Variants in SLC6A17 observed in about 807,000 individuals in gnomAD.
The protein encoded by SLC6A17 is solute carrier family 6 member 17.
SLC6A17 carries 21 observed loss-of-function variants against 64.5 expected under a neutral mutation model. The ratio of observed to expected loss-of-function variants is 0.33; its 90% CI spans 0.23 to 0.47. The LOEUF is 0.47. Ranked by LOEUF, SLC6A17 falls within the 20% of genes least tolerant of loss-of-function variation. The pLI is 1.00. For synonymous variants in SLC6A17, 372 were observed against 399.5 expected (o/e 0.93, Z 0.82); for missense variants, 682 against 963.2 (o/e 0.71, Z 3.86).
chr1:110,197,034 A>G (rs777937650), intron 10 of SLC6A17, among the ~76,000 whole-genome samples: 3 of 152,192 alleles, frequency 2.0e-5, no homozygotes, highest in African/African-American at 4.8e-5. Flanking sequence ...CCCCTGAGTC[A>G]GGGCAGCTCT....
At chr1:110,182,761 G>A (rs951340256) in intron 6 of SLC6A17, among the ~76,000 whole-genome samples, 3 of 152,032 alleles carry the variant, frequency 2.0e-5, no homozygotes, top group African/African-American at 7.2e-5. Context: ...ATTGACCGAG[G>A]CACTTGGCAA....
At chr1:110,170,688 G>A (rs79094220) in intron 2 of SLC6A17, among the ~76,000 whole-genome samples, 209 of 152,310 alleles carry the variant, frequency 1.4e-3, no homozygotes, top group Admixed American at 2.7e-3. Context: ...TGTTAGTGAC[G>A]AGTTGAATGT....
intron 11 of SLC6A17, 95 bp from the exon 12 acceptor site, chr1:110,197,981 G>T (rs1657015044): frequency 6.6e-7 from 1 of 1,512,188 alleles, no homozygotes; most frequent in Admixed American, 2.1e-5. Context: ...AGGAGTGGAA[G>T]GCCATGGGTG....
intron 6 of SLC6A17, among the ~76,000 whole-genome samples, chr1:110,179,574 T>G (rs2101851068): frequency 1.5e-5 from 2 of 134,316 alleles, no homozygotes; most frequent in South Asian, 5.5e-4. Context: ...CTTTTTTGAG[T>G]TGGAGTTTCA....
intron 11 of SLC6A17, 50 bp from the exon 12 acceptor site, chr1:110,198,026 G>A: frequency 6.4e-7 from 1 of 1,560,382 alleles, no homozygotes; most frequent in Non-Finnish European, 8.7e-7. Context: ...GCCTGGGCGG[G>A]GAGGGCTGTC....
In SLC6A17 at chr1:110,173,320, G is replaced by T. The variant is rs564303034; in HGVS notation, c.445-653G>T. Among the ~76,000 whole-genome samples the T allele has an allele frequency of 1.6e-4, 24 of 152,298 alleles. No individual in the cohort carries two copies. The East Asian group carries it at 2.9e-3, about 18-fold the overall frequency. ...CAGGAGACAGCCAGGCCTCTGGAAGGGACCACCCTGTGTCCAGAGTGGATG... is the reference window on the plus strand; with the variant it reads ...CAGGAGACAGCCAGGCCTCTGGAAGTGACCACCCTGTGTCCAGAGTGGATG... On this transcript the variant is annotated intron_variant, in intron 3 of 11. Transcript: ENST00000331565.
intron 6 of SLC6A17, among the ~76,000 whole-genome samples, chr1:110,191,425 T>C (rs183736449): frequency 2.2e-4 from 34 of 152,354 alleles, no homozygotes; most frequent in African/African-American, 7.9e-4. Context: ...GTCTAGGTTC[T>C]GTGCTTCAGG....
In SLC6A17 at chr1:110,192,160, G is replaced by T. The variant is rs1394323934; in HGVS notation, c.1053G>T (p.Val351=). 1 of 1,614,190 alleles carries T rather than the reference G, an allele frequency of 6.2e-7. No homozygotes were observed. The highest frequency in any genetic ancestry group is 8.5e-7 in the Non-Finnish European group (1 of 1,180,026). ...FFTSVLATLV[V]FAVLGFKANI... ...CGTCAGTGTTGGCCACCCTCGTGGT[G>T]TTTGCTGTGCTGGGCTTCAAGGCCA... Residue 351 remains valine, a synonymous_variant, in exon 7 of 12, where the codon GTG becomes GTT. Transcript: ENST00000331565. The surrounding 1 kb of genome is among the most constrained non-coding windows in gnomAD (Gnocchi z 4.3).
intron 2 of SLC6A17, among the ~76,000 whole-genome samples, chr1:110,169,418 C>T (rs948465962): frequency 2.6e-5 from 4 of 152,082 alleles, no homozygotes; most frequent in Non-Finnish European, 4.4e-5. Flanking sequence ...CAATTTTATA[C>T]GTAACATTTT....
At position 110,199,952 on chromosome 1, in the gene SLC6A17, G is replaced by C. The variant is rs1227102140; in HGVS notation, c.*1508G>C. 2.6e-6 allele frequency: 1 copy of C among 389,974 alleles called. No individual in the cohort carries two copies. Among genetic ancestry groups the C allele is most frequent in the Non-Finnish European group, 4.5e-6 (1 of 221,974 alleles). The allele number at this position is 389,974 out of a possible 1,614,324, so 24.2% of individuals were successfully genotyped here. ...GTTGGGGGGTGGGGGTGGATGGATA[G>C]ATGGATGGATGGATGGACGGATGGG... On this transcript the variant is annotated 3_prime_UTR_variant, in exon 12 of 12. Transcript: ENST00000331565.
At chr1:110,197,957 T>C in intron 11 of SLC6A17, 119 bp from the exon 12 acceptor site, 1 of 1,476,228 alleles carries the variant, frequency 6.8e-7, no homozygotes, top group South Asian at 1.4e-5. Context: ...CTGGCCAGGA[T>C]GGTGGGAGGG....
intron 6 of SLC6A17, among the ~76,000 whole-genome samples, chr1:110,181,507 C>T (rs1656522304): frequency 6.6e-6 from 1 of 152,234 alleles, no homozygotes. Flanking sequence ...ACAAAGCAGA[C>T]AGACTTCCTG....
rs757235092 is a variant in SLC6A17, at chr1:110,167,089, G to T, written c.160G>T (p.Glu54Ter). 6.2e-7 allele frequency: 1 copy of T among 1,612,104 alleles called. No individual in the cohort carries two copies. Among genetic ancestry groups the T allele is most frequent in the East Asian group, 2.2e-5 (1 of 44,778 alleles). ...CGGCAAGCAGAAGGCGGTGGAGGAGGAGCTGGATGCAGAGGACCGGCCGGC... is the reference window on the plus strand; with the variant it reads ...CGGCAAGCAGAAGGCGGTGGAGGAGTAGCTGGATGCAGAGGACCGGCCGGC... Reference protein sequence around the residue: ...AGGKQKAVEEELDAEDRPAWN... With the variant: ...AGGKQKAVEE Residue 54 changes from glutamate (E) to a stop codon, truncating the protein, a stop_gained, in exon 2 of 12, where the codon GAG (glutamate) becomes TAG (stop). Transcript: ENST00000331565. LOFTEE classifies it high-confidence loss of function.
chr1:110,194,156 A>G (rs1001609533), intron 8 of SLC6A17, among the ~76,000 whole-genome samples: 1 of 152,186 alleles, frequency 6.6e-6, no homozygotes, highest in Non-Finnish European at 1.5e-5. Context: ...GTGTGCTTCC[A>G]TTGAGAGCCG....
At chr1:110,157,539 C>G (rs1377516816) in intron 1 of SLC6A17, among the ~76,000 whole-genome samples, 1 of 152,000 alleles carries the variant, frequency 6.6e-6, no homozygotes, top group Non-Finnish European at 1.5e-5. Context: ...CGCCACTGCA[C>G]TCCAGCCTGG....
At chr1:110,170,846 G>GGTGTGTGTGTGT (rs113598904) in intron 2 of SLC6A17, among the ~76,000 whole-genome samples, 13 of 150,136 alleles carry the variant, frequency 8.7e-5, no homozygotes, top group African/African-American at 3.2e-4. Context: ...ACTAGTCTGT[G>GGTGTGTGTGTGT]GTGTGTGTGT....
chr1:110,153,737 T>C (rs1655675098), intron 1 of SLC6A17, among the ~76,000 whole-genome samples: 1 of 152,136 alleles, frequency 6.6e-6, no homozygotes, highest in Non-Finnish European at 1.5e-5. Context: ...TCATCATTAA[T>C]CCCTTTAAAG....
In SLC6A17 at chr1:110,195,745, A is replaced by T. The variant is rs1357466164; in HGVS notation, c.1652A>T (p.Lys551Met). Reference protein sequence around the residue: ...IAVAWIYGTKKFMQELTEMLG... With the variant: ...IAVAWIYGTKMFMQELTEMLG... Reference sequence around the variant, plus strand: ...GTGGCCTGGATTTATGGAACCAAGAAGTAAGAGGAACATGGGGGAAAGGTG... The same window carrying T: ...GTGGCCTGGATTTATGGAACCAAGATGTAAGAGGAACATGGGGGAAAGGTG... The change falls in exon 10 of 12, where the codon AAG becomes ATG. Residue 551 changes from lysine to methionine, a missense_variant and splice_region_variant. This residue lies in a region of SLC6A17 where 264 missense variants were observed against 339.5 expected (regional missense o/e 0.78). Transcript: ENST00000331565. The T allele has an allele frequency of 1.2e-6, 2 of 1,614,076 alleles. No homozygotes were observed. Among genetic ancestry groups the T allele is most frequent in the African/African-American group, 2.7e-5 (2 of 74,940 alleles).
At chr1:110,190,124 C>T (rs2100945885) in intron 6 of SLC6A17, among the ~76,000 whole-genome samples, 1 of 152,284 alleles carries the variant, frequency 6.6e-6, no homozygotes, top group Admixed American at 6.5e-5. Context: ...GTCATTGCCA[C>T]AGGGAGGCCT....
Sources: allele counts gnomAD v4.1 joint callset (sites outside exome capture counted in the v4.1 genomes callset), GRCh38; gene constraint gnomAD v4.1.1; regional missense constraint gnomAD v4.1.1; non-coding constraint Gnocchi (gnomAD v3.1); transcripts MANE v1.5; gene names NCBI Gene and HGNC (gene_info 2026-07-23, HGNC 2026-07-21).